The following ABI3BP variants were observed in gnomAD, a reference collection of about 807,000 sequenced individuals.
ABI3BP encodes target of Nesh-SH3.
ABI3BP carries 216 observed loss-of-function variants against 268.6 expected under a neutral mutation model. The ratio of observed to expected loss-of-function variants is 0.80; its 90% CI spans 0.72 to 0.90. The LOEUF (loss-of-function observed/expected upper bound fraction) is 0.90, where lower values mean the gene tolerates loss of function less well. ABI3BP is among the 40% of genes least tolerant of loss of function. The pLI is 0.00. For missense variants in ABI3BP, 2,090 were observed against 2,182.4 expected, an observed-to-expected ratio of 0.96 and a Z score of 0.84; for synonymous variants, 730 against 730.0, an observed-to-expected ratio of 1.00 and a Z score of 0.00.
rs1373223384 is a variant in ABI3BP at position 100,846,457 on chromosome 3, A to G, written c.1649-11T>C. On this transcript the variant is annotated splice_polypyrimidine_tract_variant and intron_variant, in intron 19 of 67. Transcript: ENST00000471714. ...GTGTTTTACCGGGAGCTGGAAAAAT[A>G]AAGAAACAAAATAATAAACAAATCA... 3.2e-6 allele frequency: 5 copies of G among 1,556,294 alleles called. No homozygotes were observed. The East Asian group carries it at 1.2e-4, about 36-fold the overall frequency.
At chr3:100,798,907 G>A (rs1256348992) in intron 51 of ABI3BP, among the ~76,000 whole-genome samples, 1 of 151,804 alleles carries the variant, frequency 6.6e-6, no homozygotes, top group Non-Finnish European at 1.5e-5. Context: ...TTCTAACCTT[G>A]TACCATTAGG....
At chr3:100,860,326 TAC>T (rs548421579) in intron 14 of ABI3BP, among the ~76,000 whole-genome samples, 7 of 152,184 alleles carry the variant, frequency 4.6e-5, no homozygotes, top group Non-Finnish European at 8.8e-5. Context: ...GTACTGTTAT[TAC>T]AGTTTTTGAC....
intron 3 of ABI3BP, among the ~76,000 whole-genome samples, chr3:100,901,206 T>G (rs1178351593): frequency 2.0e-5 from 3 of 152,170 alleles, no homozygotes; most frequent in Non-Finnish European, 1.5e-5. Context: ...GAAAAAGAAT[T>G]AGTATTTTTC....
chr3:100,902,852 A>G (rs2051124930), intron 2 of ABI3BP, among the ~76,000 whole-genome samples, 166 bp from the exon 3 acceptor site: 1 of 152,252 alleles, frequency 6.6e-6, no homozygotes, highest in Admixed American at 6.5e-5. Flanking sequence ...TGAGAAGTTT[A>G]TTAAGTCATT....
chr3:100,833,062 C>T lies in ABI3BP; in HGVS notation c.2314+63G>A, dbSNP rs2098519277. On this transcript the variant is annotated intron_variant, in intron 30 of 67. Transcript: ENST00000471714. ...AGATGGTACAATAGCCTATATAGCA[C>T]CATAGCAAAATCTGACAATGAGTAA... is the stretch of plus-strand genomic sequence containing the variant. 6 of 1,410,238 alleles carry T rather than the reference C, an allele frequency of 4.3e-6. No homozygotes were observed. In the Admixed American group the frequency reaches 8.2e-5, roughly 19 times the overall value. The allele number at this position is 1,410,238 out of a possible 1,614,324, so 87.4% of individuals were successfully genotyped here. A position where few individuals can be genotyped will look rare whatever the true frequency, so the allele number is the denominator to read the frequency against.
chr3:100,822,494 GGGGCCTATT>G, intron 38 of ABI3BP, 86 bp downstream of exon 38: 1 of 1,041,890 alleles, frequency 9.6e-7, no homozygotes, highest in Non-Finnish European at 1.4e-6. Context: ...CCCTCTCACA[GGGGCCTATT>G]GGTTACTCCC....
At chr3:100,911,838 T>C in intron 2 of ABI3BP, 1 of 1,597,130 alleles carries the variant, frequency 6.3e-7, no homozygotes, top group Non-Finnish European at 8.6e-7. Flanking sequence ...CAAGTTTTTG[T>C]GAAGCAGCCT....
chr3:100,943,714 T>C (rs992671406), intron 1 of ABI3BP, among the ~76,000 whole-genome samples: 2 of 152,172 alleles, frequency 1.3e-5, no homozygotes, highest in African/African-American at 2.4e-5. Flanking sequence ...TATATCAGTT[T>C]TGTTGCATGC....
chr3:100,919,790 T>C (rs1025071391), intron 2 of ABI3BP, among the ~76,000 whole-genome samples: 6 of 152,226 alleles, frequency 3.9e-5, no homozygotes, highest in African/African-American at 1.4e-4. Context: ...GAATAAGCGA[T>C]TGAAAAAGTG....
chr3:100,824,540 T>C (rs1257487737), intron 36 of ABI3BP, among the ~76,000 whole-genome samples: 1 of 152,226 alleles, frequency 6.6e-6, no homozygotes, highest in East Asian at 1.9e-4. Context: ...TTATGTTTTC[T>C]TGAACTGAAT....
At chr3:100,951,553 CT>C (rs1425949703) in intron 1 of ABI3BP, among the ~76,000 whole-genome samples, 1 of 151,968 alleles carries the variant, frequency 6.6e-6, no homozygotes, top group African/African-American at 2.4e-5. Flanking sequence ...ACCACTGACA[CT>C]TTTGTTGATG....
intron 1 of ABI3BP, among the ~76,000 whole-genome samples, chr3:100,930,165 C>G (rs1453156840): frequency 6.6e-6 from 1 of 151,960 alleles, no homozygotes; most frequent in Non-Finnish European, 1.5e-5. Context: ...CCACATGATA[C>G]AAGCTTAACT....
At chr3:100,976,052 T>G (rs1333353963) in intron 1 of ABI3BP, among the ~76,000 whole-genome samples, 1 of 152,186 alleles carries the variant, frequency 6.6e-6, no homozygotes, top group African/African-American at 2.4e-5. Context: ...TTCCTCATAA[T>G]CATTTTATAA....
intron 64 of ABI3BP, 119 bp from the exon 65 acceptor site, chr3:100,753,967 T>C: frequency 2.0e-6 from 2 of 1,023,652 alleles, no homozygotes; most frequent in Non-Finnish European, 3.0e-6. Context: ...AAAATGGTAC[T>C]CTTTTGCTAA....
intron 53 of ABI3BP, 52 bp downstream of exon 53, chr3:100,795,752 A>G: frequency 1.6e-6 from 2 of 1,232,212 alleles, no homozygotes; most frequent in Non-Finnish European, 2.1e-6. Context: ...AAGGCCTGCA[A>G]TCTTGATGGT....
intron 49 of ABI3BP, among the ~76,000 whole-genome samples, chr3:100,809,466 A>C (rs1244817870): frequency 6.6e-6 from 1 of 152,122 alleles, no homozygotes; most frequent in Non-Finnish European, 1.5e-5. Flanking sequence ...AGAATCACTA[A>C]TAGCAGTATT....
intron 1 of ABI3BP, among the ~76,000 whole-genome samples, chr3:100,975,151 G>T (rs952711002): frequency 2.6e-5 from 4 of 151,684 alleles, no homozygotes; most frequent in Non-Finnish European, 5.9e-5. Context: ...TTTTTCAAGA[G>T]AATTTTTATT....
intron 55 of ABI3BP, among the ~76,000 whole-genome samples, chr3:100,791,430 A>C (rs901764198): frequency 2.6e-5 from 4 of 151,916 alleles, no homozygotes; most frequent in Non-Finnish European, 5.9e-5. Context: ...GCTTGTTGTA[A>C]ATATTTATGT....
chr3:100,804,247 T>C (rs556392674), intron 51 of ABI3BP, among the ~76,000 whole-genome samples: 1 of 152,224 alleles, frequency 6.6e-6, no homozygotes, highest in African/African-American at 2.4e-5. Flanking sequence ...TCTCAGATGA[T>C]TGGCAAAAAA....
Sources: gnomAD v4.1 joint callset for allele counts (sites outside exome capture counted in the v4.1 genomes callset) on GRCh38, gnomAD v4.1.1 for gene constraint, MANE v1.5 for transcripts, NCBI Gene and HGNC (gene_info 2026-07-23, HGNC 2026-07-21) for gene names.